CNTNAP4: variants seen among roughly 807,000 people sequenced by gnomAD.
The protein encoded by CNTNAP4 is contactin associated protein family member 4.
A neutral mutation model predicts 148.4 loss-of-function variants in CNTNAP4; 98 were observed. That is an observed-to-expected ratio of 0.66 (90% confidence interval 0.56 to 0.78). CNTNAP4 has a LOEUF of 0.78. CNTNAP4 is among the 30% of genes least tolerant of loss of function. The pLI is 0.00. For missense variants in CNTNAP4, 1,935 were observed against 1,565.6 expected, an observed-to-expected ratio of 1.24 and a Z score of -3.98; for synonymous variants, 730 against 565.1, an observed-to-expected ratio of 1.29 and a Z score of -4.14.
intron 10 of CNTNAP4, among the ~76,000 whole-genome samples, chr16:76,470,750 G>A (rs1175373573): frequency 6.6e-6 from 1 of 151,520 alleles, no homozygotes; most frequent in Non-Finnish European, 1.5e-5. Context: ...AAAAAAAACT[G>A]TAATACTTTA....
intron 15 of CNTNAP4, among the ~76,000 whole-genome samples, chr16:76,508,691 C>T (rs1458210562): frequency 1.1e-5 from 1 of 94,320 alleles, no homozygotes; most frequent in African/African-American, 2.6e-5. Flanking sequence ...GAATTTTATA[C>T]ATATGCATAC....
intron 3 of CNTNAP4, among the ~76,000 whole-genome samples, chr16:76,425,523 A>G (rs1274559605): frequency 1.3e-5 from 2 of 152,294 alleles, no homozygotes; most frequent in Middle Eastern, 3.4e-3. Flanking sequence ...CAGGCAGATA[A>G]TGATCAAATA....
chr16:76,363,683 A>G (rs1376506020), intron 3 of CNTNAP4, among the ~76,000 whole-genome samples: 4 of 152,240 alleles, frequency 2.6e-5, no homozygotes. Flanking sequence ...ATAGCATACA[A>G]CAAAGTGAAC....
intron 3 of CNTNAP4, among the ~76,000 whole-genome samples, chr16:76,363,845 C>G (rs1345496109): frequency 6.6e-6 from 1 of 152,110 alleles, no homozygotes; most frequent in Non-Finnish European, 1.5e-5. Flanking sequence ...GTGTCGGTGG[C>G]TCTGTTTCAT....
At chr16:76,318,608 A>G (rs892045564) in intron 2 of CNTNAP4, among the ~76,000 whole-genome samples, 1 of 151,580 alleles carries the variant, frequency 6.6e-6, no homozygotes, top group Non-Finnish European at 1.5e-5. Flanking sequence ...AAGTTTTCAC[A>G]AAGGAACATC....
At chr16:76,411,025 C>T (rs995155423) in intron 3 of CNTNAP4, among the ~76,000 whole-genome samples, 3 of 151,232 alleles carry the variant, frequency 2.0e-5, no homozygotes, top group Non-Finnish European at 4.4e-5. Context: ...ATGAAGTATA[C>T]ATTAATGTAC....
At chr16:76,361,072 C>T (rs987947324) in intron 3 of CNTNAP4, among the ~76,000 whole-genome samples, 2 of 151,978 alleles carry the variant, frequency 1.3e-5, no homozygotes, top group African/African-American at 4.8e-5. Flanking sequence ...GTCCGCCTGC[C>T]TCAACCTCCC....
chr16:76,344,699 G>A (rs1411474152), intron 2 of CNTNAP4, among the ~76,000 whole-genome samples: 2 of 152,174 alleles, frequency 1.3e-5, no homozygotes, highest in African/African-American at 2.4e-5. Flanking sequence ...GATTCTATTT[G>A]TTGTTTAGTC....
chr16:76,540,778 G>T lies in CNTNAP4; in HGVS notation c.3430G>T (p.Gly1144Cys). 1 of 1,566,196 alleles carries T rather than the reference G, an allele frequency of 6.4e-7. No homozygotes were observed. The highest frequency in any genetic ancestry group is 1.2e-5 in the South Asian group (1 of 84,974). ...EFSAVKSLVL[G>C]RILEHSDVDQ... is the part of the protein sequence containing the mutation. ...CAGTGCAGTCAAATCTCTGGTATTG[G>T]GCAGGATTTTAGGTAAGTGAAAGAA... is the stretch of plus-strand genomic sequence containing the variant. Residue 1144 changes from glycine (G) to cysteine (C), a missense_variant, in exon 21 of 24, where the codon GGC becomes TGC. By Grantham distance (159) the Gly-to-Cys change is radical. Coordinates refer to ENST00000611870, the MANE Select transcript of CNTNAP4 (RefSeq NM_033401.5).
intron 11 of CNTNAP4, among the ~76,000 whole-genome samples, chr16:76,477,775 TA>T (rs1349603294): frequency 6.6e-6 from 1 of 152,218 alleles, no homozygotes; most frequent in Non-Finnish European, 1.5e-5. Flanking sequence ...TATCCCCATG[TA>T]GTAACTAACT....
chr16:76,321,659 G>C (rs1286164700), intron 2 of CNTNAP4, among the ~76,000 whole-genome samples: 1 of 151,322 alleles, frequency 6.6e-6, no homozygotes, highest in Non-Finnish European at 1.5e-5. Context: ...CGTGGTGGCG[G>C]GTCCCTGTAA....
intron 17 of CNTNAP4, among the ~76,000 whole-genome samples, chr16:76,528,455 G>A (rs748075741): frequency 5.3e-5 from 8 of 152,020 alleles, no homozygotes; most frequent in Non-Finnish European, 8.8e-5. Context: ...TTGTAGAGAC[G>A]CAGTCTCCCT....
At chr16:76,336,108 T>G (rs1365415281) in intron 2 of CNTNAP4, among the ~76,000 whole-genome samples, 1 of 152,120 alleles carries the variant, frequency 6.6e-6, no homozygotes, top group Non-Finnish European at 1.5e-5. Flanking sequence ...CTGAGTAATC[T>G]GTGAACTGGA....
chr16:76,309,745 G>A, intron 1 of CNTNAP4: 1 of 656,850 alleles, frequency 1.5e-6, no homozygotes, highest in Admixed American at 2.2e-5. Context: ...TTGAATTGGG[G>A]TTTGGGCGGA....
intron 15 of CNTNAP4, among the ~76,000 whole-genome samples, chr16:76,515,687 A>G (rs894809879): frequency 6.6e-6 from 1 of 152,208 alleles, no homozygotes; most frequent in Non-Finnish European, 1.5e-5. Flanking sequence ...CAAAGAAGGT[A>G]TACAGATGGC....
chr16:76,408,004 G>C (rs911965718), intron 3 of CNTNAP4, among the ~76,000 whole-genome samples: 12 of 152,034 alleles, frequency 7.9e-5, no homozygotes, highest in African/African-American at 2.9e-4. Flanking sequence ...ATCGAGGCAA[G>C]AACCTCTACC....
chr16:76,475,897 C>A, intron 10 of CNTNAP4, 42 bp from the exon 11 acceptor site: 1 of 1,424,312 alleles, frequency 7.0e-7, no homozygotes, highest in South Asian at 1.2e-5. Context: ...TTTAAGATAT[C>A]TAAAAATGGA....
intron 21 of CNTNAP4, among the ~76,000 whole-genome samples, chr16:76,548,179 G>A (rs2084813170): frequency 6.6e-6 from 1 of 151,848 alleles, no homozygotes; most frequent in Non-Finnish European, 1.5e-5. Flanking sequence ...TTTTTTGTCT[G>A]CTTTGCCATT....
intron 2 of CNTNAP4, among the ~76,000 whole-genome samples, chr16:76,322,519 A>C (rs1296081796): frequency 1.3e-5 from 2 of 152,210 alleles, no homozygotes; most frequent in African/African-American, 4.8e-5. Context: ...GGTCTTAATC[A>C]CTACTACATT....
Sources: allele counts gnomAD v4.1 joint callset (sites outside exome capture counted in the v4.1 genomes callset), GRCh38; gene constraint gnomAD v4.1.1; transcripts MANE v1.5; gene names NCBI Gene and HGNC (gene_info 2026-07-23, HGNC 2026-07-21).